Variants in ADAMTS12 observed in about 807,000 individuals in gnomAD.
ADAMTS12 encodes the protein ADAM metallopeptidase with thrombospondin type 1 motif 12.
In ADAMTS12, 118 loss-of-function variants were observed where a neutral mutation model predicts 167.8. That is an observed-to-expected ratio of 0.70 (90% CI 0.61 to 0.82). The LOEUF is 0.82. Ranked by LOEUF, ADAMTS12 falls within the 40% of genes least tolerant of loss-of-function variation. The pLI is 0.00. For missense variants in ADAMTS12, 1,916 were observed against 1,998.8 expected (o/e 0.96, Z 0.79); for synonymous variants, 704 against 716.9 (o/e 0.98, Z 0.29).
chr5:33,683,186 A>C, intron 4 of ADAMTS12, 85 bp from the exon 5 acceptor site: 1 of 1,081,274 alleles, frequency 9.2e-7, no homozygotes, highest in East Asian at 2.6e-5. Flanking sequence ...TGTAATGCAC[A>C]TAAAATAAAG....
intron 3 of ADAMTS12, among the ~76,000 whole-genome samples, chr5:33,692,560 T>G (rs10941081): frequency 1.3e-5 from 2 of 152,106 alleles, no homozygotes; most frequent in Non-Finnish European, 2.9e-5. Context: ...ATCAATCTTA[T>G]GTGGTATTTT....
intron 2 of ADAMTS12, among the ~76,000 whole-genome samples, chr5:33,772,374 A>T (rs1197186327): frequency 2.0e-5 from 3 of 152,014 alleles, no homozygotes. Context: ...AACCCATCTC[A>T]CAGTCCTCAA....
chr5:33,713,702 C>T (rs9292509), intron 3 of ADAMTS12, among the ~76,000 whole-genome samples: 95,326 of 151,868 alleles, frequency 0.63, 31,020 homozygotes, highest in Non-Finnish European at 0.69. Flanking sequence ...ATGAGAAAAA[C>T]GGGTCACCAT....
chr5:33,781,845 C>A (rs11749661), intron 2 of ADAMTS12, among the ~76,000 whole-genome samples: 17,467 of 151,896 alleles, frequency 0.11, 1,258 homozygotes, highest in Non-Finnish European at 0.15. Context: ...ATCCCTCCCC[C>A]CCGACCCCAC....
intron 23 of ADAMTS12, among the ~76,000 whole-genome samples, 187 bp downstream of exon 23, chr5:33,534,644 ACT>A (rs1744282443): frequency 6.6e-6 from 1 of 152,164 alleles, no homozygotes; most frequent in Non-Finnish European, 1.5e-5. Flanking sequence ...TGGATGAGAT[ACT>A]CTCTCAAGAA....
chr5:33,777,380 A>C (rs1745951406), intron 2 of ADAMTS12, among the ~76,000 whole-genome samples: 1 of 152,164 alleles, frequency 6.6e-6, no homozygotes, highest in Non-Finnish European at 1.5e-5. Context: ...CTACACACAA[A>C]AATTTTTAAA....
chr5:33,670,027 A>T (rs1038371845), intron 5 of ADAMTS12, among the ~76,000 whole-genome samples: 11 of 152,144 alleles, frequency 7.2e-5, no homozygotes, highest in African/African-American at 2.4e-4. Context: ...AAAATTAAAC[A>T]CTTTTGCTTT....
At chr5:33,731,575 T>C (rs961936748) in intron 3 of ADAMTS12, among the ~76,000 whole-genome samples, 4 of 152,164 alleles carry the variant, frequency 2.6e-5, no homozygotes, top group Admixed American at 6.5e-5. Context: ...GCCAGTTGTG[T>C]CTACCAAGAT....
chr5:33,551,309 G>C (rs1745246560), intron 20 of ADAMTS12, among the ~76,000 whole-genome samples: 1 of 152,164 alleles, frequency 6.6e-6, no homozygotes, highest in Non-Finnish European at 1.5e-5. Flanking sequence ...GGGACAGATT[G>C]ATGCTCTGGT....
At chr5:33,706,012 A>G (rs989403073) in intron 3 of ADAMTS12, among the ~76,000 whole-genome samples, 3 of 152,200 alleles carry the variant, frequency 2.0e-5, no homozygotes, top group African/African-American at 7.2e-5. Context: ...ATGAATTGAA[A>G]TAATTAATAT....
intron 18 of ADAMTS12, among the ~76,000 whole-genome samples, chr5:33,584,366 T>A (rs1222878183): frequency 6.6e-6 from 1 of 152,194 alleles, no homozygotes; most frequent in Non-Finnish European, 1.5e-5. Context: ...CATGAGGTTT[T>A]TTTTTTCAGG....
At chr5:33,698,470 G>GA (rs1452932313) in intron 3 of ADAMTS12, among the ~76,000 whole-genome samples, 1 of 152,122 alleles carries the variant, frequency 6.6e-6, no homozygotes, top group African/African-American at 2.4e-5. Flanking sequence ...CAGATAAGCT[G>GA]AAAAAATGTC....
At chr5:33,838,047 T>C (rs1287211961) in intron 2 of ADAMTS12, among the ~76,000 whole-genome samples, 1 of 152,184 alleles carries the variant, frequency 6.6e-6, no homozygotes, top group African/African-American at 2.4e-5. Flanking sequence ...AGAATAGCAC[T>C]GTGTTTTAAT....
In ADAMTS12 at chr5:33,604,613, A is replaced by G. The variant is rs974914503; in HGVS notation, c.2528-8553T>C. The stretch of plus-strand genomic sequence containing the variant: ...AGGCCTGGGAAGTTAGCAAGACAAG[A>G]ATTCAATTTCTAATCAAGAGCTCAG... On this transcript the variant is annotated intron_variant, in intron 16 of 23. Transcript: ENST00000504830. Among the ~76,000 whole-genome samples, 7 of 151,828 alleles carry G rather than the reference A, an allele frequency of 4.6e-5. No homozygotes were observed. In the East Asian group the frequency reaches 5.8e-4, roughly 13 times the overall value.
chr5:33,891,968 G>C lies in ADAMTS12; in HGVS notation c.-112C>G, dbSNP rs1332485032. ...GATGCAGGGGTGCATGGTCAGGCGCGAGAAGGCAGCGACTGCAAAGCTGCC... is the reference window on the plus strand; with the variant it reads ...GATGCAGGGGTGCATGGTCAGGCGCCAGAAGGCAGCGACTGCAAAGCTGCC... On this transcript the variant is annotated 5_prime_UTR_variant, in exon 1 of 24. Transcript: ENST00000504830. 11 of 1,395,302 alleles carry C rather than the reference G, an allele frequency of 7.9e-6. No homozygotes were observed. The Admixed American group carries it at 1.7e-4, about 22-fold the overall frequency. 86.4% of individuals were successfully genotyped at this position (1,395,302 alleles called of 1,614,324 possible). A position where few individuals can be genotyped will look rare whatever the true frequency, so the allele number is the denominator to read the frequency against.
chr5:33,543,439 G>A (rs968420390), intron 22 of ADAMTS12, among the ~76,000 whole-genome samples: 4 of 152,166 alleles, frequency 2.6e-5, no homozygotes, highest in African/African-American at 9.7e-5. Context: ...GAGGTACAAA[G>A]AGGAGCTAGT....
At position 33,576,735 on chromosome 5, in the gene ADAMTS12, C is replaced by G. The variant is rs1746747687; in HGVS notation, c.3291G>C (p.Leu1097Phe). 6.2e-7 allele frequency: 1 copy of G among 1,614,034 alleles called. No individual in the cohort carries two copies. The highest frequency in any genetic ancestry group is 2.2e-5 in the East Asian group (1 of 44,894). ...CATTTTCCTCACTTGGCTGAATGCTCAAGGATTGGGAAGTGAGGATGGGCT... is the reference window on the plus strand; with the variant it reads ...CATTTTCCTCACTTGGCTGAATGCTGAAGGATTGGGAAGTGAGGATGGGCT... ...TSQPILTSQS[L>F]SIQPSEENVS... The change falls in exon 19 of 24, where the codon TTG (leucine) becomes TTC (phenylalanine). Residue 1097 changes from leucine (L) to phenylalanine (F), a missense_variant. Coordinates refer to ENST00000504830, the MANE Select transcript of ADAMTS12 (RefSeq NM_030955.4).
In ADAMTS12 at chr5:33,891,776, C is replaced by T. The variant is rs766598182; in HGVS notation, c.81G>A (p.Gly27=). Residue 27 remains glycine (G), a synonymous_variant, in exon 1 of 24, where the codon GGG becomes GGA. Coordinates refer to ENST00000504830, the MANE Select transcript of ADAMTS12 (RefSeq NM_030955.4). ...GAACCGGGCCTGGCTGAGGCTGTCT[C>T]CCATAGCAAAGCGCCCCAAAGTTAA... ...QLLNFGALCY[G]RQPQPGPVRF... 2.5e-6 allele frequency: 4 copies of T among 1,614,116 alleles called. No homozygotes were observed. The highest frequency in any genetic ancestry group is 3.4e-6 in the Non-Finnish European group (4 of 1,180,046).
chr5:33,845,946 G>A (rs1748926069), intron 2 of ADAMTS12, among the ~76,000 whole-genome samples: 1 of 152,114 alleles, frequency 6.6e-6, no homozygotes, highest in Non-Finnish European at 1.5e-5. Context: ...GTTGCAGTGG[G>A]AACTCACTCC....
Sources: gnomAD v4.1 joint callset for allele counts (sites outside exome capture counted in the v4.1 genomes callset) on GRCh38, gnomAD v4.1.1 for gene constraint, MANE v1.5 for transcripts, NCBI Gene and HGNC (gene_info 2026-07-23, HGNC 2026-07-21) for gene names.